Variants in ANKRD26 observed in about 807,000 individuals in gnomAD.
The protein encoded by ANKRD26 is ankyrin repeat domain-containing protein 26.
In ANKRD26, 141 loss-of-function variants were observed where a neutral mutation model predicts 208.7. The ratio of observed to expected loss-of-function variants is 0.68; its 90% CI spans 0.59 to 0.78. The LOEUF (loss-of-function observed/expected upper bound fraction) is 0.78. ANKRD26 is among the 30% of genes least tolerant of loss of function. ANKRD26 has a pLI of 0.00. For synonymous variants in ANKRD26, 636 were observed against 660.4 expected, an observed-to-expected ratio of 0.96 and a Z score of 0.57; for missense variants, 1,889 against 1,938.7, an observed-to-expected ratio of 0.97 and a Z score of 0.48.
rs1229021390 is a variant in ANKRD26, at chr10:27,004,298, T to C, written c.*1292A>G. ...CTGTAAGTCTGAAGTTGTCAAAATA[T>C]AACATTTCTTAAAAGAAAAACAAAT... is the stretch of plus-strand genomic sequence containing the variant. On this transcript the variant is annotated 3_prime_UTR_variant, in exon 34 of 34. Transcript: ENST00000376087. The C allele has an allele frequency of 3.9e-5, 6 of 152,134 alleles. No individual in the cohort carries two copies. The highest frequency in any genetic ancestry group is 8.8e-5 in the Non-Finnish European group (6 of 67,996). The allele number at this position is 152,134 out of a possible 1,614,324, so 9.4% of individuals were successfully genotyped here.
intron 32 of ANKRD26, among the ~76,000 whole-genome samples, chr10:27,007,172 A>G (rs1475293136): frequency 6.6e-6 from 1 of 152,196 alleles, no homozygotes; most frequent in East Asian, 1.9e-4. Flanking sequence ...TAATCTGATA[A>G]AAAGTACAAT....
the ANKRD26 span, among the ~76,000 whole-genome samples, chr10:26,962,878 C>G: frequency 1.3e-5 from 2 of 152,170 alleles, no homozygotes; most frequent in African/African-American, 4.8e-5. Context: ...GTTCCATGCA[C>G]TCGGTCTTTA....
intron 5 of ANKRD26, among the ~76,000 whole-genome samples, chr10:26,980,350 TG>T (rs1168478946): frequency 6.6e-6 from 1 of 152,234 alleles, no homozygotes; most frequent in African/African-American, 2.4e-5. Context: ...CTCTGCTAAA[TG>T]GTCTGACCAC....
intron 16 of ANKRD26, chr10:27,051,002 A>C (rs2054635117): frequency 8.6e-7 from 1 of 1,156,968 alleles, no homozygotes. Context: ...GAAAATCAGA[A>C]TGGATCAAAT....
intron 9 of ANKRD26, among the ~76,000 whole-genome samples, chr10:27,067,784 A>G (rs1337486253): frequency 2.6e-5 from 4 of 152,202 alleles, no homozygotes; most frequent in Admixed American, 2.0e-4. Flanking sequence ...TTACATTTCA[A>G]TATGAGATTT....
intron 3 of ANKRD26, among the ~76,000 whole-genome samples, chr10:26,986,634 C>T (rs1197650995): frequency 4.6e-5 from 7 of 152,246 alleles, no homozygotes; most frequent in African/African-American, 1.4e-4. Context: ...TGAACAGACA[C>T]TTCTCAAAAG....
the ANKRD26 span, among the ~76,000 whole-genome samples, chr10:26,948,803 C>A: frequency 1.8e-4 from 27 of 152,236 alleles, no homozygotes; most frequent in Admixed American, 2.0e-4. Flanking sequence ...GCCTGGCCAA[C>A]ATGGTGAAAC....
Position 27,077,392 on chromosome 10 carries a change from A to G in ANKRD26, c.1023T>C (p.Pro341=), listed in dbSNP as rs752083912. 2.3e-5 allele frequency: 37 copies of G among 1,613,974 alleles called. No homozygotes were observed. Among genetic ancestry groups the G allele is most frequent in the Admixed American group, 3.3e-5 (2 of 59,998 alleles). Residue 341 remains proline, a synonymous_variant, in exon 9 of 34, where the codon CCT becomes CCC. Transcript: ENST00000376087. The stretch of plus-strand genomic sequence containing the variant: ...TGTGGGAAGGTTTTGGAAGAAGGTC[A>G]GGTGATTGATAGGTAGGATGAGAAA... ...QCFSHPTYQS[P]DLLPKPSHKS...
In ANKRD26 at chr10:27,077,467, A is replaced by G. The variant is rs569751156; in HGVS notation, c.948T>C (p.Asp316=). The G allele has an allele frequency of 2.5e-4, 397 of 1,614,088 alleles. 4 individuals carry two copies. The South Asian group carries it at 4.2e-3, about 17-fold the overall frequency. ...TAGGAAGGCTTTCAACCACAACTTCATCTTGACTATCGGAATCTCTATCCT... is the reference window on the plus strand; with the variant it reads ...TAGGAAGGCTTTCAACCACAACTTCGTCTTGACTATCGGAATCTCTATCCT... ...LFEDRDSDSQ[D]EVVVESLPTT... is the part of the protein sequence containing the mutation. The change falls in exon 9 of 34, where the codon GAT becomes GAC. Residue 316 remains aspartate (D), a synonymous_variant. Transcript: ENST00000376087.
intron 9 of ANKRD26, among the ~76,000 whole-genome samples, chr10:27,075,022 T>C (rs1469484541): frequency 6.6e-6 from 1 of 152,180 alleles, no homozygotes; most frequent in African/African-American, 2.4e-5. Flanking sequence ...AAAGTCTTTC[T>C]TGAACAAGCA....
chr10:26,951,624 T>A, the ANKRD26 span, among the ~76,000 whole-genome samples: 1 of 152,240 alleles, frequency 6.6e-6, no homozygotes, highest in East Asian at 1.9e-4. Context: ...TGTTTTAAAA[T>A]TTTAAGTAGA....
Position 27,043,498 on chromosome 10 carries a change from CCT to C in ANKRD26, c.2087_2088del (p.Glu696GlyfsTer3). The C allele has an allele frequency of 2.5e-6, 4 of 1,613,972 alleles. No homozygotes were observed. Among genetic ancestry groups the C allele is most frequent in the Non-Finnish European group, 8.5e-7 (1 of 1,179,898 alleles). On this transcript the variant is annotated frameshift_variant, in exon 20 of 34. Coordinates refer to ENST00000376087, the MANE Select transcript of ANKRD26 (RefSeq NM_014915.3). LOFTEE classifies it high-confidence loss of function. ...TAACTAGAGTGGGGTAGCTCACAATCCTCTGAGGCTGTTTCAGATGACTGAGT... is the reference window on the plus strand; with the variant it reads ...TAACTAGAGTGGGGTAGCTCACAATCCTGAGGCTGTTTCAGATGACTGAGT... ...DLTQSSETASEDCELPHSSYK... is the reference protein window; with the variant it reads ...DLTQSSETASXDCELPHSSYK...
chr10:27,085,092 C>T lies in ANKRD26; in HGVS notation c.709+1447G>A, dbSNP rs188896734. ...ATTATTCAGCAGACAGAAGAACACA[C>T]TTGTTTTTTTTGTTTGTTTTTTTTT... On this transcript the variant is annotated intron_variant, in intron 5 of 33. Coordinates refer to ENST00000376087, the MANE Select transcript of ANKRD26 (RefSeq NM_014915.3). Among the ~76,000 whole-genome samples the T allele has an allele frequency of 4.2e-4, 64 of 151,356 alleles. 1 individual carries two copies. The East Asian group carries it at 0.012, about 28-fold the overall frequency.
At chr10:27,027,116 A>G (rs560633773) in intron 27 of ANKRD26, among the ~76,000 whole-genome samples, 7 of 152,346 alleles carry the variant, frequency 4.6e-5, no homozygotes, top group Non-Finnish European at 7.3e-5. Context: ...GAACACAGAT[A>G]AATGGGAAAA....
At chr10:27,011,187 T>C (rs1186257524) in intron 32 of ANKRD26, among the ~76,000 whole-genome samples, 1 of 152,242 alleles carries the variant, frequency 6.6e-6, no homozygotes, top group Non-Finnish European at 1.5e-5. Context: ...TTAAAATGGA[T>C]ATTTTCATAA....
chr10:26,992,503 C>G (rs947684491), intron 5 of ANKRD26, among the ~76,000 whole-genome samples: 24 of 144,502 alleles, frequency 1.7e-4, no homozygotes, highest in African/African-American at 6.6e-4. Flanking sequence ...CACACACACA[C>G]ACACAGAGAG....
At chr10:26,963,902 G>GGTTTT in the ANKRD26 span, among the ~76,000 whole-genome samples, 1 of 66,974 alleles carries the variant, frequency 1.5e-5, no homozygotes, top group South Asian at 5.0e-4. Context: ...ATGGTTGGTT[G>GGTTTT]GTTTTTTTTT....
intron 31 of ANKRD26, among the ~76,000 whole-genome samples, chr10:27,013,617 GTA>G (rs1485871233): frequency 3.9e-5 from 6 of 152,272 alleles, no homozygotes; most frequent in African/African-American, 1.4e-4. Context: ...AAAAATACTT[GTA>G]TTTAGTAAAC....
At chr10:27,071,290 C>T (rs1475359695) in intron 9 of ANKRD26, among the ~76,000 whole-genome samples, 3 of 150,426 alleles carry the variant, frequency 2.0e-5, no homozygotes, top group African/African-American at 4.9e-5. Context: ...CTCAGCCTCC[C>T]GAGGAGCTGG....
Sources: gnomAD v4.1 joint callset for allele counts (sites outside exome capture counted in the v4.1 genomes callset) on GRCh38, gnomAD v4.1.1 for gene constraint, MANE v1.5 for transcripts, NCBI Gene and HGNC (gene_info 2026-07-23, HGNC 2026-07-21) for gene names.